Variants in CALU observed in about 807,000 individuals in gnomAD.
CALU encodes the protein calumenin, also known as IEF SSP 9302.
A neutral mutation model predicts 37.5 loss-of-function variants in CALU; 13 were observed. The ratio of observed to expected loss-of-function variants is 0.35; its 90% CI spans 0.23 to 0.55. The LOEUF (loss-of-function observed/expected upper bound fraction) is 0.55, where lower values mean the gene tolerates loss of function less well. Ranked by LOEUF, CALU falls within the 20% of genes least tolerant of loss-of-function variation. The pLI is 0.89. For missense variants in CALU, 282 were observed against 391.7 expected (o/e 0.72, Z 2.36); for synonymous variants, 114 against 133.8 (o/e 0.85, Z 1.02).
At chr7:128,768,735 G>A (rs1245261055) in intron 6 of CALU, among the ~76,000 whole-genome samples, 1 of 151,342 alleles carries the variant, frequency 6.6e-6, no homozygotes, top group East Asian at 1.9e-4. Flanking sequence ...CTACTCGGGA[G>A]GCTGAGGCAG....
Position 128,771,435 on chromosome 7 carries a change from C to T in CALU, c.*2268C>T, listed in dbSNP as rs1374074679. The T allele has an allele frequency of 6.6e-6, 1 of 152,590 alleles. No individual in the cohort carries two copies. Among genetic ancestry groups the T allele is most frequent in the African/African-American group, 2.4e-5 (1 of 41,428 alleles). The allele number at this position is 152,590 out of a possible 1,614,324, so 9.5% of individuals were successfully genotyped here. On this transcript the variant is annotated 3_prime_UTR_variant, in exon 7 of 7. Coordinates refer to ENST00000249364, the MANE Select transcript of CALU (RefSeq NM_001219.5). ...CAAGTTTTATATTCTGCAATGCGAA[C>T]AGGTACCTATCTGTTTCTAAATAAA...
At chr7:128,755,394 A>C (rs1346829981) in intron 3 of CALU, among the ~76,000 whole-genome samples, 1 of 151,660 alleles carries the variant, frequency 6.6e-6, no homozygotes, top group Non-Finnish European at 1.5e-5. Context: ...ATGTTTCTTG[A>C]CATGGTCCCA....
At chr7:128,740,069 T>G (rs2128876375) in intron 1 of CALU, among the ~76,000 whole-genome samples, 1 of 152,364 alleles carries the variant, frequency 6.6e-6, no homozygotes, top group Middle Eastern at 3.4e-3. Context: ...AAAGCTTTAT[T>G]GGGGAATTAA....
chr7:128,764,273 C>T (rs1017219656), intron 5 of CALU, among the ~76,000 whole-genome samples: 27 of 150,154 alleles, frequency 1.8e-4, no homozygotes, highest in African/African-American at 6.6e-4. Flanking sequence ...ACAAAAAATA[C>T]AAAAAAAAAG....
chr7:128,757,392 T>TGTAC (rs56031291), intron 3 of CALU, among the ~76,000 whole-genome samples: 1 of 151,646 alleles, frequency 6.6e-6, no homozygotes, highest in Non-Finnish European at 1.5e-5. Flanking sequence ...TGTGTGTGTG[T>TGTAC]ACACAGGATC....
At chr7:128,767,402 G>T (rs1477140380) in intron 5 of CALU, 54 bp from the exon 6 acceptor site, 6 of 1,359,086 alleles carry the variant, frequency 4.4e-6, no homozygotes, top group Non-Finnish European at 6.3e-6. Context: ...TTAGCATGAG[G>T]CAGTTTTGGG....
chr7:128,759,105 C>A (rs558991592), intron 4 of CALU, 68 bp downstream of exon 4: 1 of 1,267,888 alleles, frequency 7.9e-7, no homozygotes, highest in South Asian at 1.4e-5. Context: ...TGTCTTTCCC[C>A]TTTAGCCTTA....
chr7:128,764,228 G>A (rs1801235718), intron 5 of CALU, among the ~76,000 whole-genome samples: 1 of 151,854 alleles, frequency 6.6e-6, no homozygotes. Context: ...AGGAGTTTGA[G>A]AACAACCTGG....
At chr7:128,754,687 A>T in intron 3 of CALU, 1 of 1,552,230 alleles carries the variant, frequency 6.4e-7, no homozygotes, top group Non-Finnish European at 8.7e-7. Context: ...ATCTCCTGGG[A>T]TGAGTACAGA....
At chr7:128,754,161 A>G (rs1391195909) in intron 2 of CALU, 101 bp from the exon 3 acceptor site, 1 of 914,820 alleles carries the variant, frequency 1.1e-6, no homozygotes, top group Non-Finnish European at 1.6e-6. Flanking sequence ...TTTTGGAGAC[A>G]ATTTTTTATT....
At chr7:128,763,411 A>T (rs1488571319) in intron 5 of CALU, among the ~76,000 whole-genome samples, 1 of 152,014 alleles carries the variant, frequency 6.6e-6, no homozygotes, top group East Asian at 1.9e-4. Context: ...TGCCTGTGTA[A>T]TCCCAGCTAC....
rs1801547040 is a variant in CALU at position 128,771,167 on chromosome 7, C to G, written c.*2000C>G. 6.6e-6 allele frequency: 1 copy of G among 152,408 alleles called. No individual in the cohort carries two copies. Among genetic ancestry groups the G allele is most frequent in the Admixed American group, 6.5e-5 (1 of 15,272 alleles). The allele number at this position is 152,408 out of a possible 1,614,324, so 9.4% of individuals were successfully genotyped here. On this transcript the variant is annotated 3_prime_UTR_variant, in exon 7 of 7. Transcript: ENST00000249364. ...TGTGGCAAGAGAGCCTCACACCTCACTAGGTGCAGAGAGCCCAGGCCTTAT... is the reference window on the plus strand; with the variant it reads ...TGTGGCAAGAGAGCCTCACACCTCAGTAGGTGCAGAGAGCCCAGGCCTTAT...
At chr7:128,753,589 TTC>T (rs769568497) in intron 2 of CALU, among the ~76,000 whole-genome samples, 12 of 152,344 alleles carry the variant, frequency 7.9e-5, no homozygotes, top group African/African-American at 2.6e-4. Flanking sequence ...TTCCTCAGAG[TTC>T]TCTGTTTTCA....
intron 2 of CALU, among the ~76,000 whole-genome samples, chr7:128,751,174 G>C (rs925521928): frequency 2.5e-4 from 38 of 151,736 alleles, no homozygotes; most frequent in African/African-American, 8.5e-4. Flanking sequence ...TGTAGTCCCA[G>C]CTACTTGGGA....
At chr7:128,766,129 ATTTT>A (rs1801319161) in intron 5 of CALU, among the ~76,000 whole-genome samples, 1 of 151,416 alleles carries the variant, frequency 6.6e-6, no homozygotes, top group Non-Finnish European at 1.5e-5. Context: ...GGCTAATTTT[ATTTT>A]TTATTTTTAG....
chr7:128,752,608 T>A (rs558990403), intron 2 of CALU, among the ~76,000 whole-genome samples: 3 of 152,338 alleles, frequency 2.0e-5, no homozygotes, highest in Non-Finnish European at 4.4e-5. Context: ...TGAATAGTGT[T>A]AAAATTCTAC....
At position 128,767,951 on chromosome 7, in the gene CALU, A is replaced by AT. The variant is rs951361856; in HGVS notation, c.843+307dup. Among the ~76,000 whole-genome samples the AT allele has an allele frequency of 4.3e-4, 64 of 148,490 alleles. No homozygotes were observed. The South Asian group carries it at 7.1e-3, about 16-fold the overall frequency. On this transcript the variant is annotated intron_variant, in intron 6 of 6. Transcript: ENST00000249364. ...ATCAGGTATTTTTAGATCCCCAGGA[A>AT]TTTTTTTTTTTCTTTGTTACTTCAT...
At chr7:128,744,150 G>A (rs1248570074) in intron 1 of CALU, among the ~76,000 whole-genome samples, 1 of 152,140 alleles carries the variant, frequency 6.6e-6, no homozygotes, top group Non-Finnish European at 1.5e-5. Context: ...AGGTTGCAGT[G>A]AGCCAAGATC....
chr7:128,760,869 C>G (rs1424805269), intron 5 of CALU, among the ~76,000 whole-genome samples: 1 of 152,132 alleles, frequency 6.6e-6, no homozygotes, highest in African/African-American at 2.4e-5. Flanking sequence ...GATCATGCCA[C>G]TGCACTCCAG....
Sources: allele counts gnomAD v4.1 joint callset (sites outside exome capture counted in the v4.1 genomes callset), GRCh38; gene constraint gnomAD v4.1.1; transcripts MANE v1.5; gene names NCBI Gene and HGNC (gene_info 2026-07-23, HGNC 2026-07-21).